The following UBE2E1 variants were observed in gnomAD, a reference collection of about 807,000 sequenced individuals.
UBE2E1 encodes the protein ubiquitin conjugating enzyme E2 E1, also known as ubiquitin-conjugating enzyme E2 E1.
In UBE2E1, 6 loss-of-function variants were observed where a neutral mutation model predicts 21.4. The ratio of observed to expected loss-of-function variants is 0.28; its 90% CI spans 0.15 to 0.55. UBE2E1 has a LOEUF of 0.55. Among genes scored for constraint, UBE2E1 ranks in the 20% least tolerant of loss-of-function variants. The pLI is 0.93. For missense variants in UBE2E1, 142 were observed against 236.5 expected (o/e 0.60, Z 2.62); for synonymous variants, 87 against 82.7 (o/e 1.05, Z -0.28).
intron 3 of UBE2E1, among the ~76,000 whole-genome samples, chr3:23,860,557 C>T (rs557197000): frequency 4.2e-4 from 64 of 152,314 alleles, no homozygotes; most frequent in African/African-American, 6.7e-4. Flanking sequence ...CTCATGCTTA[C>T]GTGGTGTTGA....
intron 2 of UBE2E1, 148 bp from the exon 3 acceptor site, chr3:23,811,312 A>T (rs1269391131): frequency 1.5e-5 from 11 of 711,822 alleles, no homozygotes; most frequent in Non-Finnish European, 2.7e-5. Flanking sequence ...TAAACTAGGG[A>T]CCTGAAGTTC....
intron 3 of UBE2E1, among the ~76,000 whole-genome samples, chr3:23,851,132 A>G (rs1213976609): frequency 1.3e-5 from 2 of 152,132 alleles, no homozygotes; most frequent in East Asian, 3.9e-4. Flanking sequence ...TCCCAACACC[A>G]TTTGATAAAA....
chr3:23,881,390 C>G (rs1701035972), intron 3 of UBE2E1, among the ~76,000 whole-genome samples: 1 of 152,138 alleles, frequency 6.6e-6, no homozygotes, highest in Non-Finnish European at 1.5e-5. Flanking sequence ...AACCTTAAAC[C>G]TCTGTGTAGA....
rs187339225 is a variant in UBE2E1 at position 23,808,867 on chromosome 3, C to T, written c.152+1446C>T. ...CTGATCCTCATTCACGTTTTGGCCT[C>T]ACGTGCTCAAGCCAGGATACTTGCT... is the stretch of plus-strand genomic sequence containing the variant. On this transcript the variant is annotated intron_variant, in intron 2 of 5. Coordinates refer to ENST00000306627, the MANE Select transcript of UBE2E1 (RefSeq NM_003341.5). This position sits in a 1 kb window ranked among gnomAD's most constrained non-coding sequence, Gnocchi z 4.9. 6.6e-6 allele frequency: 1 copy of T among 152,316 alleles called. No homozygotes were observed. Among genetic ancestry groups the T allele is most frequent in the Admixed American group, 6.5e-5 (1 of 15,310 alleles). The allele number at this position is 152,316 out of a possible 1,614,324, so 9.4% of individuals were successfully genotyped here. A position where few individuals can be genotyped will look rare whatever the true frequency, so the allele number is the denominator to read the frequency against.
chr3:23,841,057 T>C (rs769321583), intron 3 of UBE2E1, among the ~76,000 whole-genome samples: 3 of 152,210 alleles, frequency 2.0e-5, no homozygotes, highest in Non-Finnish European at 4.4e-5. Context: ...AAATAAAGAT[T>C]AGTCGTTAGA....
chr3:23,825,857 T>C (rs73822599), intron 3 of UBE2E1, among the ~76,000 whole-genome samples: 101 of 152,158 alleles, frequency 6.6e-4, no homozygotes, highest in African/African-American at 2.4e-3. Context: ...ATTTGGAGAA[T>C]ACCTCACGTA....
Position 23,852,719 on chromosome 3 carries a change from C to G in UBE2E1, c.204-34848C>G, listed in dbSNP as rs531566660. Among the ~76,000 whole-genome samples the G allele has an allele frequency of 2.6e-5, 4 of 152,306 alleles. No homozygotes were observed. In the South Asian group the frequency reaches 6.2e-4, roughly 24 times the overall value. ...AAGCGATCCTCCCACCTCAGCCTCCCCAGTAGCTGGGACTTACAGGCACGT... is the reference window on the plus strand; with the variant it reads ...AAGCGATCCTCCCACCTCAGCCTCCGCAGTAGCTGGGACTTACAGGCACGT... On this transcript the variant is annotated intron_variant, in intron 3 of 5. Transcript: ENST00000306627.
intron 3 of UBE2E1, among the ~76,000 whole-genome samples, chr3:23,867,441 G>C (rs1047225998): frequency 2.0e-5 from 3 of 152,084 alleles, no homozygotes; most frequent in African/African-American, 7.2e-5. Flanking sequence ...ACTTTGTTGA[G>C]GTGTAATTTA....
At chr3:23,878,384 G>A (rs560506504) in intron 3 of UBE2E1, among the ~76,000 whole-genome samples, 7 of 152,264 alleles carry the variant, frequency 4.6e-5, no homozygotes, top group Non-Finnish European at 1.0e-4. Flanking sequence ...TTGCCACAAC[G>A]TTTTTCTTCT....
chr3:23,812,407 T>A (rs992870428), intron 3 of UBE2E1, among the ~76,000 whole-genome samples: 5 of 152,348 alleles, frequency 3.3e-5, no homozygotes, highest in African/African-American at 9.6e-5. Context: ...ACTGACAAAG[T>A]ATTCAGCGGC....
At position 23,836,555 on chromosome 3, in the gene UBE2E1, T is replaced by A. The variant is rs542199188; in HGVS notation, c.203+25045T>A. Among the ~76,000 whole-genome samples, 10 of 152,340 alleles carry A rather than the reference T, an allele frequency of 6.6e-5. No homozygotes were observed. The highest frequency in any genetic ancestry group is 1.5e-4 in the Non-Finnish European group (10 of 68,024). On this transcript the variant is annotated intron_variant, in intron 3 of 5. Coordinates refer to ENST00000306627, the MANE Select transcript of UBE2E1 (RefSeq NM_003341.5). This position sits in a 1 kb window ranked among gnomAD's most constrained non-coding sequence, Gnocchi z 4.1. ...AGTGAGGCAGCTCTTTTGTTCTTTT[T>A]CCAAAAGAGTGACATTGGCTTTTCT...
chr3:23,837,396 C>T lies in UBE2E1; in HGVS notation c.203+25886C>T, dbSNP rs771347356. Among the ~76,000 whole-genome samples the T allele has an allele frequency of 1.3e-3, 198 of 152,282 alleles. 5 individuals are homozygous for T. The highest frequency in any genetic ancestry group is 0.013 in the Admixed American group (196 of 15,296). ...AAACCCAGCACTAATACTTGAGAAG[C>T]TCTCAAAACTGTAAGTATCCCCAGG... On this transcript the variant is annotated intron_variant, in intron 3 of 5. Transcript: ENST00000306627.
chr3:23,882,185 C>A (rs114837929), intron 3 of UBE2E1, among the ~76,000 whole-genome samples: 357 of 152,270 alleles, frequency 2.3e-3, no homozygotes, highest in African/African-American at 8.0e-3. Context: ...TTATCTGGCC[C>A]CACCCACATG....
chr3:23,845,758 A>G (rs9863123), intron 3 of UBE2E1, among the ~76,000 whole-genome samples: 1,684 of 152,144 alleles, frequency 0.011, 24 homozygotes, highest in East Asian at 0.044. Flanking sequence ...GAACCGTTCA[A>G]CTCTACCCAT....
intron 3 of UBE2E1, among the ~76,000 whole-genome samples, chr3:23,838,507 T>C (rs987827076): frequency 1.3e-5 from 2 of 152,324 alleles, no homozygotes; most frequent in East Asian, 3.9e-4. Flanking sequence ...TTTATTTTTA[T>C]TTTTTGAGAT....
At chr3:23,822,910 C>CTG (rs1157386953) in intron 3 of UBE2E1, among the ~76,000 whole-genome samples, 11 of 139,386 alleles carry the variant, frequency 7.9e-5, no homozygotes, top group African/African-American at 2.9e-4. Flanking sequence ...GCAGTGGTGC[C>CTG]TTCTTGGCTC....
At chr3:23,879,039 C>G (rs1262475768) in intron 3 of UBE2E1, 5 of 501,980 alleles carry the variant, frequency 1.0e-5, no homozygotes, top group Non-Finnish European at 2.0e-5. Flanking sequence ...ACTTGATGAG[C>G]TCAGTTCACC....
At chr3:23,819,724 A>G (rs2125285817) in intron 3 of UBE2E1, among the ~76,000 whole-genome samples, 1 of 152,328 alleles carries the variant, frequency 6.6e-6, no homozygotes, top group East Asian at 1.9e-4. Flanking sequence ...AATTGCTGTC[A>G]CATTTTACAG....
At chr3:23,818,591 T>C (rs564897645) in intron 3 of UBE2E1, among the ~76,000 whole-genome samples, 10 of 152,216 alleles carry the variant, frequency 6.6e-5, no homozygotes, top group East Asian at 1.9e-4. Flanking sequence ...CTCTCTCTTA[T>C]CTCTATATGA....
Sources: allele counts gnomAD v4.1 joint callset (sites outside exome capture counted in the v4.1 genomes callset), GRCh38; gene constraint gnomAD v4.1.1; non-coding constraint Gnocchi (gnomAD v3.1); transcripts MANE v1.5; gene names NCBI Gene and HGNC (gene_info 2026-07-23, HGNC 2026-07-21).